The following ZNF627 variants were observed in gnomAD, a reference collection of about 807,000 sequenced individuals.
ZNF627 encodes the protein zinc finger protein 627.
In ZNF627, 12 loss-of-function variants were observed where a neutral mutation model predicts 10.6. That is an observed-to-expected ratio of 1.13 (90% CI 0.73 to 1.84). The LOEUF (loss-of-function observed/expected upper bound fraction) is 1.84. ZNF627 is among the 40% of genes most tolerant of loss of function. The pLI is 0.00. For synonymous variants in ZNF627, 176 were observed against 187.1 expected, an observed-to-expected ratio of 0.94 and a Z score of 0.48; for missense variants, 504 against 568.4, an observed-to-expected ratio of 0.89 and a Z score of 1.15.
intron 1 of ZNF627, among the ~76,000 whole-genome samples, chr19:11,598,018 C>A (rs1367050243): frequency 6.6e-6 from 1 of 152,102 alleles, no homozygotes; most frequent in Non-Finnish European, 1.5e-5. Flanking sequence ...AGCTCCCGGT[C>A]GTGGTTTGTG....
chr19:11,601,231 G>A (rs955884117), intron 1 of ZNF627, among the ~76,000 whole-genome samples: 7 of 152,192 alleles, frequency 4.6e-5, no homozygotes, highest in Non-Finnish European at 8.8e-5. Flanking sequence ...AGGTGGTTGA[G>A]GTGATGCCTT....
In ZNF627 at chr19:11,614,824, T is replaced by A; in HGVS notation, c.131-3T>A. ...TAATGACTTTTCTGGGTCTAAATTTTAGGAAAACAATGGGAAGACCAGAAC... is the reference window on the plus strand; with the variant it reads ...TAATGACTTTTCTGGGTCTAAATTTAAGGAAAACAATGGGAAGACCAGAAC... On this transcript the variant is annotated splice_polypyrimidine_tract_variant and splice_region_variant and intron_variant, in intron 2 of 3. Transcript: ENST00000361113. 2 of 1,602,946 alleles carry A rather than the reference T, an allele frequency of 1.2e-6. No individual in the cohort carries two copies. The highest frequency in any genetic ancestry group is 2.3e-5 in the South Asian group (2 of 88,186).
At chr19:11,603,272 G>T (rs989243989) in intron 1 of ZNF627, among the ~76,000 whole-genome samples, 22 of 146,770 alleles carry the variant, frequency 1.5e-4, no homozygotes, top group Non-Finnish European at 2.5e-4. Context: ...CGACATCTTG[G>T]CTATTCTTAG....
rs551746938 is a variant in ZNF627, at chr19:11,612,166, G to A, written c.4-2361G>A. Among the ~76,000 whole-genome samples, 12 of 132,008 alleles carry A rather than the reference G, an allele frequency of 9.1e-5. No individual in the cohort carries two copies. The South Asian group carries it at 3.1e-3, about 34-fold the overall frequency. 86.6% of individuals were successfully genotyped at this position (132,008 alleles called of 152,430 possible). A position where few individuals can be genotyped will look rare whatever the true frequency, so the allele number is the denominator to read the frequency against. On this transcript the variant is annotated intron_variant, in intron 1 of 3. Transcript: ENST00000361113. ...GATGGAGTCTCGCTCTGTCGCCCAG[G>A]CTGGAGTGCAGTGGTGCGATCTCAG...
At position 11,603,262 on chromosome 19, in the gene ZNF627, C is replaced by T. The variant is rs569565164; in HGVS notation, c.3+5632C>T. 1.2e-4 allele frequency among the ~76,000 whole-genome samples: 18 copies of T among 148,300 alleles called. No individual in the cohort carries two copies. In the South Asian group the frequency reaches 2.6e-3, roughly 21 times the overall value. ...TTAACAATCCTAACTGTATTTTGTACGACATCTTGGCTATTCTTAGCCTTT... is the reference window on the plus strand; with the variant it reads ...TTAACAATCCTAACTGTATTTTGTATGACATCTTGGCTATTCTTAGCCTTT... On this transcript the variant is annotated intron_variant, in intron 1 of 3. Coordinates refer to ENST00000361113, the MANE Select transcript of ZNF627 (RefSeq NM_145295.4).
chr19:11,614,730 A>ACCAGG, intron 2 of ZNF627, 77 bp downstream of exon 2: 1 of 1,608,764 alleles, frequency 6.2e-7, no homozygotes, highest in Non-Finnish European at 8.5e-7. Flanking sequence ...TGGGGAATAA[A>ACCAGG]CCAGGCATGG....
chr19:11,607,547 ATC>A (rs1280685260), intron 1 of ZNF627, among the ~76,000 whole-genome samples: 1 of 152,158 alleles, frequency 6.6e-6, no homozygotes, highest in Non-Finnish European at 1.5e-5. Context: ...ACCGTAAGTC[ATC>A]TCTCACAAGT....
chr19:11,606,403 T>C (rs754570362), intron 1 of ZNF627, among the ~76,000 whole-genome samples: 1 of 152,042 alleles, frequency 6.6e-6, no homozygotes, highest in African/African-American at 2.4e-5. Flanking sequence ...GTCATGCTGA[T>C]GCAAGAGGTG....
chr19:11,607,759 C>G (rs1973699802), intron 1 of ZNF627, among the ~76,000 whole-genome samples: 1 of 152,172 alleles, frequency 6.6e-6, no homozygotes, highest in Non-Finnish European at 1.5e-5. Context: ...AAGTTCCAGA[C>G]TTTCCCACAT....
chr19:11,601,548 A>T (rs1419506258), intron 1 of ZNF627, among the ~76,000 whole-genome samples: 1 of 151,982 alleles, frequency 6.6e-6, no homozygotes, highest in Non-Finnish European at 1.5e-5. Context: ...GGACGTTGTT[A>T]TGTTGCCCAG....
At chr19:11,609,471 TTATATATATATATATATATATATA>T (rs1168205815) in intron 1 of ZNF627, among the ~76,000 whole-genome samples, 5,734 of 53,936 alleles carry the variant, frequency 0.11, 615 homozygotes, top group African/African-American at 0.23. Flanking sequence ...TTAAAAAATT[TTATATATATATATATATATATATA>T]TATATATATA....
At chr19:11,608,145 C>G (rs1172835679) in intron 1 of ZNF627, among the ~76,000 whole-genome samples, 1 of 152,132 alleles carries the variant, frequency 6.6e-6, no homozygotes, top group Non-Finnish European at 1.5e-5. Flanking sequence ...GTGGCAAAAG[C>G]CACTTATGAA....
chr19:11,614,921 T>C, intron 3 of ZNF627, 34 bp downstream of exon 3: 6 of 1,492,656 alleles, frequency 4.0e-6, no homozygotes, highest in Non-Finnish European at 5.5e-6. Context: ...GTTCTGTTCC[T>C]TGAGAGCATT....
At chr19:11,602,434 A>G (rs1202427399) in intron 1 of ZNF627, among the ~76,000 whole-genome samples, 1 of 152,238 alleles carries the variant, frequency 6.6e-6, no homozygotes, top group African/African-American at 2.4e-5. Context: ...CTGCTCCTGC[A>G]GAATACAAAA....
Position 11,614,619 on chromosome 19 carries a change from G to A in ZNF627, c.96G>A (p.Val32=), listed in dbSNP as rs931735417. Residue 32 remains valine, a synonymous_variant, in exon 2 of 4, where the codon GTG becomes GTA. Coordinates refer to ENST00000361113, the MANE Select transcript of ZNF627 (RefSeq NM_145295.4). ...DPSQKNLYRD[V]MRETFRNLAS... The stretch of plus-strand genomic sequence containing the variant: ...CCCAGAAGAATCTCTACAGGGATGT[G>A]ATGCGGGAAACCTTCAGGAACCTGG... 3.1e-6 allele frequency: 5 copies of A among 1,613,772 alleles called. No individual in the cohort carries two copies. In the African/African-American group the frequency reaches 5.3e-5, roughly 17 times the overall value.
Position 11,609,471 on chromosome 19 carries a change from T to TTATATA in ZNF627, c.4-5014_4-5009dup, listed in dbSNP as rs1168205815. Among the ~76,000 whole-genome samples the TTATATA allele has an allele frequency of 8.2e-3, 437 of 53,340 alleles. 4 individuals carry two copies. The highest frequency in any genetic ancestry group is 0.012 in the Non-Finnish European group (239 of 19,310). The allele number at this position is 53,340 out of a possible 152,430, so 35.0% of individuals were successfully genotyped here. A position where few individuals can be genotyped will look rare whatever the true frequency, so the allele number is the denominator to read the frequency against. Reference sequence around the variant, plus strand: ...TTCCTGGGTAGTCTTTTAAAAAATTTTATATATATATATATATATATATAT... The same window carrying TTATATA: ...TTCCTGGGTAGTCTTTTAAAAAATTTTATATATATATATATATATATATATATATAT... On this transcript the variant is annotated intron_variant, in intron 1 of 3. Coordinates refer to ENST00000361113, the MANE Select transcript of ZNF627 (RefSeq NM_145295.4).
intron 3 of ZNF627, among the ~76,000 whole-genome samples, chr19:11,616,044 T>TA (rs1324648444): frequency 1.5e-4 from 22 of 149,542 alleles, no homozygotes; most frequent in East Asian, 5.9e-4. Context: ...TTTCTTTCTT[T>TA]TTTTTTTTTT....
intron 1 of ZNF627, among the ~76,000 whole-genome samples, chr19:11,608,386 G>A (rs12976530): frequency 0.42 from 63,116 of 152,014 alleles, 13,378 homozygotes; most frequent in Non-Finnish European, 0.47. Context: ...CCCCTCTCCA[G>A]TTGACATTAT....
At chr19:11,607,517 A>G (rs920689601) in intron 1 of ZNF627, among the ~76,000 whole-genome samples, 2 of 152,122 alleles carry the variant, frequency 1.3e-5, no homozygotes, top group African/African-American at 4.8e-5. Context: ...TTTGCCGCTT[A>G]GCAGTTTCTT....
Sources: allele counts gnomAD v4.1 joint callset (sites outside exome capture counted in the v4.1 genomes callset), GRCh38; gene constraint gnomAD v4.1.1; transcripts MANE v1.5; gene names NCBI Gene and HGNC (gene_info 2026-07-23, HGNC 2026-07-21).